The following METTL27 variants were observed in gnomAD, a reference collection of about 807,000 sequenced individuals.
The protein encoded by METTL27 is methyltransferase-like protein 27.
A neutral mutation model predicts 24.5 loss-of-function variants in METTL27; 29 were observed. That is an observed-to-expected ratio of 1.18 (90% CI 0.88 to 1.61). The LOEUF is 1.61. METTL27 is among the 40% of genes most tolerant of loss of function. The pLI is 0.00. For missense variants in METTL27, 341 were observed against 324.3 expected, an observed-to-expected ratio of 1.05 and a Z score of -0.40; for synonymous variants, 138 against 146.8, an observed-to-expected ratio of 0.94 and a Z score of 0.43.
At chr7:73,838,973 T>C (rs1281835731) in intron 5 of METTL27, among the ~76,000 whole-genome samples, 1 of 152,216 alleles carries the variant, frequency 6.6e-6, no homozygotes, top group Non-Finnish European at 1.5e-5. Context: ...GTCTTGGAAA[T>C]GCCTCTCTTC....
intron 5 of METTL27, among the ~76,000 whole-genome samples, chr7:73,839,102 A>G: frequency 6.6e-6 from 1 of 152,096 alleles, no homozygotes; most frequent in East Asian, 1.9e-4. Flanking sequence ...GGCCAACATG[A>G]TGAAACCCCA....
chr7:73,835,180 C>T (rs1177943779), intron 5 of METTL27, 178 bp from the exon 6 acceptor site: 2 of 709,258 alleles, frequency 2.8e-6, no homozygotes, highest in Non-Finnish European at 4.2e-6. Flanking sequence ...TCCTCTCCCT[C>T]CTCTCCCTCC....
rs782711309 is a variant in METTL27, at chr7:73,840,130, T to TGG, written c.389-11_389-10insCC. On this transcript the variant is annotated splice_polypyrimidine_tract_variant and intron_variant, in intron 4 of 5. Transcript: ENST00000297873. Reference sequence around the variant, plus strand: ...ACCGCGTCGAAGGTCCCTGTGTGTGTGTGGGGGGGGGTGGGGACATGGTGT... The same window carrying TGG: ...ACCGCGTCGAAGGTCCCTGTGTGTGTGGGTGGGGGGGGGTGGGGACATGGTGT... 1.9e-6 allele frequency: 2 copies of TGG among 1,048,118 alleles called. No individual in the cohort carries two copies. The highest frequency in any genetic ancestry group is 2.8e-5 in the Admixed American group (1 of 36,124). The allele number at this position is 1,048,118 out of a possible 1,614,324, so 64.9% of individuals were successfully genotyped here. A position where few individuals can be genotyped will look rare whatever the true frequency, so the allele number is the denominator to read the frequency against.
chr7:73,835,005 G>C lies in METTL27; in HGVS notation c.479-3C>G, dbSNP rs375823114. ...GGTGGTCAGACACACCAGCCCACCT[G>C]GGGGAGAGGGGTAGGTGAGGTGGGG... On this transcript the variant is annotated splice_region_variant and splice_polypyrimidine_tract_variant and intron_variant, in intron 5 of 5. Coordinates refer to ENST00000297873, the MANE Select transcript of METTL27 (RefSeq NM_152559.3). 7.5e-6 allele frequency: 12 copies of C among 1,607,008 alleles called. No individual in the cohort carries two copies. The African/African-American group carries it at 8.0e-5, about 11-fold the overall frequency.
rs1788109773 is a variant in METTL27, at chr7:73,834,733, G to C, written c.*10C>G. The C allele has an allele frequency of 6.2e-7, 1 of 1,611,192 alleles. No homozygotes were observed. Among genetic ancestry groups the C allele is most frequent in the African/African-American group, 1.3e-5 (1 of 74,962 alleles). ...GAGTCAGGGGCCAGCTGGGGGCTGGGGGCTGGATCTCACTTCCTCAACCTG... is the reference window on the plus strand; with the variant it reads ...GAGTCAGGGGCCAGCTGGGGGCTGGCGGCTGGATCTCACTTCCTCAACCTG... On this transcript the variant is annotated 3_prime_UTR_variant, in exon 6 of 6. Coordinates refer to ENST00000297873, the MANE Select transcript of METTL27 (RefSeq NM_152559.3).
chr7:73,836,119 C>T (rs1203846919), intron 5 of METTL27, among the ~76,000 whole-genome samples: 2 of 88,716 alleles, frequency 2.3e-5, no homozygotes, highest in Admixed American at 2.3e-4. Context: ...CCGCCCCATC[C>T]GGGAGGGAGG....
intron 5 of METTL27, among the ~76,000 whole-genome samples, chr7:73,835,630 G>T (rs1378362055): frequency 7.0e-6 from 1 of 142,178 alleles, no homozygotes; most frequent in Non-Finnish European, 1.5e-5. Context: ...CTGCCCGGCC[G>T]CCACCCCGTC....
intron 1 of METTL27, 131 bp downstream of exon 1, chr7:73,842,359 G>A: frequency 1.5e-6 from 1 of 685,462 alleles, no homozygotes; most frequent in South Asian, 2.7e-5. Context: ...GGGCAAGGTG[G>A]GAGAAGGGGG....
Position 73,840,068 on chromosome 7 carries a change from G to A in METTL27, c.441C>T (p.Pro147=). The change falls in exon 5 of 6, where the codon CCC becomes CCT. Residue 147 remains proline, a synonymous_variant. Coordinates refer to ENST00000297873, the MANE Select transcript of METTL27 (RefSeq NM_152559.3). ...IVGALSDGQV[P]CNAIPELHVT... is the part of the protein sequence containing the mutation. ...CATGTAGCTCAGGTATCGCATTGCA[G>A]GGCACCTGGCCGTCACTGAGGGCAC... 3 of 1,612,552 alleles carry A rather than the reference G, an allele frequency of 1.9e-6. No individual in the cohort carries two copies. The highest frequency in any genetic ancestry group is 1.1e-5 in the South Asian group (1 of 90,932).
chr7:73,841,870 C>T (rs2130562512), intron 2 of METTL27, 148 bp downstream of exon 2: 1 of 1,303,190 alleles, frequency 7.7e-7, no homozygotes. Flanking sequence ...AGCTGTGGGG[C>T]GGGTTCTGGA....
intron 5 of METTL27, among the ~76,000 whole-genome samples, chr7:73,836,418 C>T (rs1788198288): frequency 6.9e-6 from 1 of 145,858 alleles, no homozygotes; most frequent in African/African-American, 2.6e-5. Context: ...GGGTCAGCCC[C>T]CCGCCCGGCC....
rs782580895 is a variant in METTL27 at position 73,835,009 on chromosome 7, G to A, written c.479-7C>T. On this transcript the variant is annotated splice_region_variant and splice_polypyrimidine_tract_variant and intron_variant, in intron 5 of 5. Transcript: ENST00000297873. ...GTCAGACACACCAGCCCACCTGGGGGAGAGGGGTAGGTGAGGTGGGGGAGG... is the reference window on the plus strand; with the variant it reads ...GTCAGACACACCAGCCCACCTGGGGAAGAGGGGTAGGTGAGGTGGGGGAGG... The A allele has an allele frequency of 1.2e-6, 2 of 1,606,116 alleles. No homozygotes were observed. The highest frequency in any genetic ancestry group is 1.7e-6 in the Non-Finnish European group (2 of 1,177,420).
Position 73,836,420 on chromosome 7 carries a change from C to G in METTL27, c.479-1418G>C, listed in dbSNP as rs1304479526. On this transcript the variant is annotated intron_variant, in intron 5 of 5. Transcript: ENST00000297873. ...GAGGGAGGTGGGGGGGTCAGCCCCCCGCCCGGCCAGCCGCCCCGTCCGGGA... is the reference window on the plus strand; with the variant it reads ...GAGGGAGGTGGGGGGGTCAGCCCCCGGCCCGGCCAGCCGCCCCGTCCGGGA... Among the ~76,000 whole-genome samples the G allele has an allele frequency of 2.1e-5, 3 of 143,766 alleles. No homozygotes were observed. The East Asian group carries it at 6.5e-4, about 31-fold the overall frequency. The allele number at this position is 143,766 out of a possible 152,430, so 94.3% of individuals were successfully genotyped here.
chr7:73,835,027 G>C (rs1554634819), intron 5 of METTL27, 25 bp from the exon 6 acceptor site: 1 of 1,589,510 alleles, frequency 6.3e-7, no homozygotes, highest in Non-Finnish European at 8.5e-7. Context: ...TAGGTGAGGT[G>C]GGGGAGGGGC....
rs1046622894 is a variant in METTL27 at position 73,834,735 on chromosome 7, G to A, written c.*8C>T. The A allele has an allele frequency of 5.0e-6, 8 of 1,611,702 alleles. No homozygotes were observed. The highest frequency in any genetic ancestry group is 6.8e-6 in the Non-Finnish European group (8 of 1,178,630). ...GTCAGGGGCCAGCTGGGGGCTGGGGGCTGGATCTCACTTCCTCAACCTGGG... is the reference window on the plus strand; with the variant it reads ...GTCAGGGGCCAGCTGGGGGCTGGGGACTGGATCTCACTTCCTCAACCTGGG... On this transcript the variant is annotated 3_prime_UTR_variant, in exon 6 of 6. Transcript: ENST00000297873.
chr7:73,834,874 G>A lies in METTL27; in HGVS notation c.607C>T (p.Arg203Cys), dbSNP rs779071025. 88 of 1,613,234 alleles carry A rather than the reference G, an allele frequency of 5.5e-5. No individual in the cohort carries two copies. Among genetic ancestry groups the A allele is most frequent in the Admixed American group, 2.0e-4 (12 of 59,984 alleles). ...WEGLVAWPVD[R>C]LWTAGSWLPP... is the part of the protein sequence containing the mutation. ...AGCCAGCTCCCAGCGGTCCACAGGC[G>A]GTCCACAGGCCAGGCCACCAGGCCT... The change falls in exon 6 of 6, where the codon CGC becomes TGC. Residue 203 changes from arginine to cysteine, a missense_variant. Arg to Cys is a radical substitution (Grantham distance 180). Transcript: ENST00000297873.
At chr7:73,836,442 G>A (rs1200270048) in intron 5 of METTL27, among the ~76,000 whole-genome samples, 8 of 138,762 alleles carry the variant, frequency 5.8e-5, no homozygotes, top group African/African-American at 1.4e-4. Flanking sequence ...CGCCCCGTCC[G>A]GGAGGTGAGG....
chr7:73,836,441 C>T (rs1471757405), intron 5 of METTL27, among the ~76,000 whole-genome samples: 2 of 139,874 alleles, frequency 1.4e-5, no homozygotes, highest in African/African-American at 2.7e-5. Flanking sequence ...CCGCCCCGTC[C>T]GGGAGGTGAG....
Position 73,840,541 on chromosome 7 carries a change from A to G in METTL27, c.261T>C (p.Ala87=), listed in dbSNP as rs61741292. ...CCCCATGCAGCTGGAGGAAGCCTGG[A>G]GCCCGCAGCTGGGGTAGGGGTGGGA... The part of the protein sequence containing the change: ...GTGLVAAELR[A]PGFLQLHGVD... The change falls in exon 4 of 6, where the codon GCT becomes GCC. Residue 87 remains alanine (A), a synonymous_variant. Transcript: ENST00000297873. The G allele has an allele frequency of 5.5e-3, 8,775 of 1,594,676 alleles. 374 individuals are homozygous for G. The African/African-American group carries it at 0.1, about 18-fold the overall frequency.
Sources: allele counts gnomAD v4.1 joint callset (sites outside exome capture counted in the v4.1 genomes callset), GRCh38; gene constraint gnomAD v4.1.1; transcripts MANE v1.5; gene names NCBI Gene and HGNC (gene_info 2026-07-23, HGNC 2026-07-21).